The following EXT1 variants were observed in gnomAD, a reference collection of about 807,000 sequenced individuals.
The protein encoded by EXT1 is exostosin glycosyltransferase 1.
Under a neutral mutation model 82.5 loss-of-function variants are expected in EXT1, and 20 were observed. The observed-to-expected ratio is 0.24, with a 90% CI of 0.17 to 0.35. The LOEUF (loss-of-function observed/expected upper bound fraction) is 0.35, where lower values mean the gene tolerates loss of function less well. Among genes scored for constraint, EXT1 ranks in the 10% least tolerant of loss-of-function variants. EXT1 has a pLI of 1.00. For missense variants in EXT1, 757 were observed against 936.5 expected (o/e 0.81, Z 2.50); for synonymous variants, 348 against 350.8 (o/e 0.99, Z 0.09).
At chr8:117,919,270 C>G (rs1391601954) in intron 1 of EXT1, among the ~76,000 whole-genome samples, 1 of 151,710 alleles carries the variant, frequency 6.6e-6, no homozygotes, top group Non-Finnish European at 1.5e-5. Flanking sequence ...ACTGTAGCCT[C>G]GAACTCCTGG....
At chr8:117,923,513 C>T (rs975696528) in intron 1 of EXT1, among the ~76,000 whole-genome samples, 4 of 150,868 alleles carry the variant, frequency 2.7e-5, no homozygotes, top group Non-Finnish European at 5.9e-5. Context: ...GTCAGGAGAT[C>T]GAGACCATCC....
At chr8:118,090,424 A>T (rs1817501428) in intron 1 of EXT1, among the ~76,000 whole-genome samples, 2 of 151,964 alleles carry the variant, frequency 1.3e-5, no homozygotes, top group African/African-American at 4.8e-5. Context: ...TGTCTTGAAA[A>T]AAAAAGGCAA....
intron 1 of EXT1, among the ~76,000 whole-genome samples, chr8:117,860,500 C>T (rs752718604): frequency 3.9e-5 from 6 of 152,170 alleles, no homozygotes; most frequent in Admixed American, 1.3e-4. Context: ...CCCCCTAAAT[C>T]TATTTCAAAT....
At chr8:117,921,349 C>T (rs1388138720) in intron 1 of EXT1, among the ~76,000 whole-genome samples, 2 of 152,156 alleles carry the variant, frequency 1.3e-5, no homozygotes, top group African/African-American at 4.8e-5. Context: ...CAGTGAGACA[C>T]ATAAAAGGGA....
intron 1 of EXT1, among the ~76,000 whole-genome samples, chr8:118,095,212 C>G (rs1817588994): frequency 6.6e-6 from 1 of 152,164 alleles, no homozygotes; most frequent in Non-Finnish European, 1.5e-5. Context: ...GTTTTGACAT[C>G]TAATCCTTTT....
intron 1 of EXT1, among the ~76,000 whole-genome samples, chr8:118,095,399 A>T (rs1190751261): frequency 6.6e-6 from 1 of 152,210 alleles, no homozygotes; most frequent in Non-Finnish European, 1.5e-5. Context: ...AATACAAAAA[A>T]TATTATACAT....
chr8:118,035,694 G>A (rs779989889), intron 1 of EXT1, among the ~76,000 whole-genome samples: 13 of 151,874 alleles, frequency 8.6e-5, no homozygotes, highest in Admixed American at 2.0e-4. Context: ...TAGCCTCTTC[G>A]GAAACACGAT....
chr8:118,003,058 A>C (rs1815705518), intron 1 of EXT1, among the ~76,000 whole-genome samples: 1 of 152,128 alleles, frequency 6.6e-6, no homozygotes, highest in African/African-American at 2.4e-5. Context: ...CACACCATGG[A>C]ATACTAGTCA....
intron 1 of EXT1, among the ~76,000 whole-genome samples, chr8:118,071,199 A>G (rs949590451): frequency 2.0e-5 from 3 of 152,212 alleles, no homozygotes; most frequent in African/African-American, 7.2e-5. Context: ...GTCTGTCAGC[A>G]TTTCCATCCT....
At chr8:117,828,468 A>G (rs1050240266) in intron 4 of EXT1, among the ~76,000 whole-genome samples, 9 of 151,924 alleles carry the variant, frequency 5.9e-5, no homozygotes, top group Non-Finnish European at 1.0e-4. Flanking sequence ...AGGATTGCTT[A>G]AGGTCATTCC....
chr8:118,040,600 T>A (rs376293300), intron 1 of EXT1, among the ~76,000 whole-genome samples: 1 of 152,334 alleles, frequency 6.6e-6, no homozygotes, highest in East Asian at 1.9e-4. Flanking sequence ...ACCACTGATA[T>A]GTCTGTGGGA....
intron 1 of EXT1, among the ~76,000 whole-genome samples, chr8:117,838,551 AT>A (rs1253321975): frequency 6.6e-6 from 1 of 152,142 alleles, no homozygotes; most frequent in East Asian, 1.9e-4. Flanking sequence ...GAGAGTAAAA[AT>A]TTTCTAAAAC....
intron 1 of EXT1, among the ~76,000 whole-genome samples, chr8:117,955,010 C>G (rs1814559873): frequency 6.6e-6 from 1 of 152,140 alleles, no homozygotes; most frequent in African/African-American, 2.4e-5. Flanking sequence ...TCTCATGACT[C>G]CCTCCTCAAG....
chr8:117,939,956 G>A (rs575277580), intron 1 of EXT1, among the ~76,000 whole-genome samples: 1 of 152,220 alleles, frequency 6.6e-6, no homozygotes, highest in Non-Finnish European at 1.5e-5. Context: ...GATTGTGACT[G>A]TAACTTGCAG....
chr8:117,903,653 T>C (rs1314382651), intron 1 of EXT1, among the ~76,000 whole-genome samples: 3 of 152,180 alleles, frequency 2.0e-5, no homozygotes, highest in Non-Finnish European at 4.4e-5. Flanking sequence ...ATTTTCCTCC[T>C]TTTTCTTCAG....
chr8:117,970,037 A>G (rs914484490), intron 1 of EXT1, among the ~76,000 whole-genome samples: 4 of 152,178 alleles, frequency 2.6e-5, no homozygotes, highest in African/African-American at 9.7e-5. Flanking sequence ...TGTTACTTCA[A>G]CCCTCTAAAC....
chr8:117,801,714 C>G (rs981404684), intron 10 of EXT1, among the ~76,000 whole-genome samples: 1 of 152,098 alleles, frequency 6.6e-6, no homozygotes, highest in South Asian at 2.1e-4. Flanking sequence ...CCATTTTGCC[C>G]AGGCTGGTCC....
At chr8:118,028,257 T>A (rs1172914092) in intron 1 of EXT1, among the ~76,000 whole-genome samples, 1 of 152,182 alleles carries the variant, frequency 6.6e-6, no homozygotes, top group Non-Finnish European at 1.5e-5. Flanking sequence ...AAGGGCCATG[T>A]TGGGGAAAGG....
chr8:117,971,613 A>G (rs940982890), intron 1 of EXT1, among the ~76,000 whole-genome samples: 5 of 152,250 alleles, frequency 3.3e-5, no homozygotes, highest in Non-Finnish European at 7.3e-5. Context: ...TAATAATTCA[A>G]TTACAAGGAG....
Sources: allele counts gnomAD v4.1 joint callset (sites outside exome capture counted in the v4.1 genomes callset), GRCh38; gene constraint gnomAD v4.1.1; transcripts MANE v1.5; gene names NCBI Gene and HGNC (gene_info 2026-07-23, HGNC 2026-07-21).